IGSF10: variants seen among roughly 807,000 people sequenced by gnomAD.
IGSF10 encodes immunoglobulin superfamily member 10.
IGSF10 carries 126 observed loss-of-function variants against 128.2 expected under a neutral mutation model. That is an observed-to-expected ratio of 0.98 (90% CI 0.85 to 1.14). IGSF10 has a LOEUF of 1.14. IGSF10 is among the 50% of genes most tolerant of loss of function. IGSF10 has a pLI of 0.00. For synonymous variants in IGSF10, 1,185 were observed against 1,146.2 expected (o/e 1.03, Z -0.68); for missense variants, 3,295 against 3,149.8 (o/e 1.05, Z -1.10).
chr3:151,481,708 G>A, the IGSF10 span, among the ~76,000 whole-genome samples: 1 of 152,110 alleles, frequency 6.6e-6, no homozygotes, highest in African/African-American at 2.4e-5. Flanking sequence ...GCTACTCCAA[G>A]CACCTATGTC....
intron 1 of IGSF10, 36 bp downstream of exon 1, chr3:151,460,910 A>G: frequency 1.0e-6 from 1 of 984,724 alleles, no homozygotes; most frequent in South Asian, 4.7e-5. Flanking sequence ...GTGGGGTTCC[A>G]GCCCTTTCCG....
the IGSF10 span, among the ~76,000 whole-genome samples, chr3:151,504,478 C>G: frequency 6.6e-6 from 1 of 152,194 alleles, no homozygotes; most frequent in Admixed American, 6.5e-5. Flanking sequence ...TGCTTATGGT[C>G]AATAATCCCA....
At chr3:151,605,658 C>T in the IGSF10 span, among the ~76,000 whole-genome samples, 2 of 152,250 alleles carry the variant, frequency 1.3e-5, no homozygotes, top group South Asian at 4.1e-4. Context: ...AGATGAAAAA[C>T]ACTAAGGGTT....
the IGSF10 span, among the ~76,000 whole-genome samples, chr3:151,604,592 AACACACAC>A: frequency 6.8e-3 from 980 of 144,614 alleles, 5 homozygotes; most frequent in Middle Eastern, 0.043. Context: ...GTACCAATAT[AACACACAC>A]ACACACACAC....
chr3:151,502,435 G>A, the IGSF10 span, among the ~76,000 whole-genome samples: 2 of 151,934 alleles, frequency 1.3e-5, no homozygotes, highest in African/African-American at 4.8e-5. Flanking sequence ...TTTTGGCCTA[G>A]TATTTTGGCA....
intron 4 of IGSF10, 118 bp downstream of exon 4, chr3:151,456,908 G>T: frequency 1.0e-6 from 1 of 975,314 alleles, no homozygotes; most frequent in Non-Finnish European, 1.6e-6. Context: ...ATTGACGTCT[G>T]CTTCTAATTT....
intron 7 of IGSF10, among the ~76,000 whole-genome samples, chr3:151,439,621 AT>A (rs1577662256): frequency 1.3e-5 from 2 of 152,238 alleles, no homozygotes; most frequent in Non-Finnish European, 2.9e-5. Context: ...TTAGAAAAAA[AT>A]AAATTTTACT....
Position 151,436,447 on chromosome 3 carries a change from A to G in IGSF10, c.*242T>C, listed in dbSNP as rs1040056580. The G allele has an allele frequency of 1.3e-5, 5 of 376,746 alleles. No individual in the cohort carries two copies. Among genetic ancestry groups the G allele is most frequent in the Non-Finnish European group, 2.4e-5 (5 of 210,830 alleles). The allele number at this position is 376,746 out of a possible 1,614,324, so 23.3% of individuals were successfully genotyped here. The stretch of plus-strand genomic sequence containing the variant: ...TAGTGAACCGTTTCAATGTTTGTTT[A>G]TTGTTATTTGTTGGCAAAATAAAAG... On this transcript the variant is annotated 3_prime_UTR_variant, in exon 8 of 8. Coordinates refer to ENST00000282466, the MANE Select transcript of IGSF10 (RefSeq NM_178822.5).
the IGSF10 span, among the ~76,000 whole-genome samples, chr3:151,539,343 CTA>C: frequency 1.3e-5 from 2 of 152,130 alleles, no homozygotes; most frequent in African/African-American, 2.4e-5. Context: ...GAGGAGCTAG[CTA>C]TGACTGCCCT....
At chr3:151,499,073 T>G in the IGSF10 span, among the ~76,000 whole-genome samples, 30 of 152,292 alleles carry the variant, frequency 2.0e-4, no homozygotes, top group Non-Finnish European at 3.2e-4. Flanking sequence ...TTTACTTTTG[T>G]ACATGTTTTC....
rs572924729 is a variant in IGSF10, at chr3:151,452,169, G to T, written c.715+1215C>A. ...TAACACTTGATTATTAAGACTGAAA[G>T]ATGTGAGCCCCTATGGGTTTAATTA... On this transcript the variant is annotated intron_variant, in intron 5 of 7. Transcript: ENST00000282466. Among the ~76,000 whole-genome samples, 8 of 152,340 alleles carry T rather than the reference G, an allele frequency of 5.3e-5. No homozygotes were observed. In the East Asian group the frequency reaches 1.3e-3, roughly 26 times the overall value.
the IGSF10 span, among the ~76,000 whole-genome samples, chr3:151,524,059 A>G: frequency 1.3e-5 from 2 of 152,220 alleles, no homozygotes; most frequent in East Asian, 1.9e-4. Flanking sequence ...AAAGCTCAAC[A>G]TCACTGATTA....
At chr3:151,530,258 C>T in the IGSF10 span, among the ~76,000 whole-genome samples, 3 of 152,026 alleles carry the variant, frequency 2.0e-5, no homozygotes, top group African/African-American at 4.8e-5. Context: ...CTAAAAGAGA[C>T]GGGGAGAGTG....
At chr3:151,432,675 C>T, downstream of IGSF10, 1 of 1,017,514 alleles carries the variant, frequency 9.8e-7, no homozygotes, top group Non-Finnish European at 1.5e-6. Flanking sequence ...GTACTGAGAG[C>T]AGTGACAAGA....
At chr3:151,555,655 T>A in the IGSF10 span, among the ~76,000 whole-genome samples, 1 of 152,122 alleles carries the variant, frequency 6.6e-6, no homozygotes, top group Admixed American at 6.6e-5. Context: ...TTCAAAAGAA[T>A]TATGGGTGTT....
chr3:151,593,219 T>C, the IGSF10 span, among the ~76,000 whole-genome samples: 2 of 151,962 alleles, frequency 1.3e-5, no homozygotes, highest in Non-Finnish European at 2.9e-5. Context: ...CAGCCTTGAT[T>C]CTCCCACCTC....
chr3:151,617,708 T>C, the IGSF10 span, among the ~76,000 whole-genome samples: 2 of 152,194 alleles, frequency 1.3e-5, no homozygotes, highest in South Asian at 2.1e-4. Context: ...CAAAGTGTTA[T>C]AGTGTGAATA....
chr3:151,530,575 A>C, the IGSF10 span, among the ~76,000 whole-genome samples: 1 of 152,198 alleles, frequency 6.6e-6, no homozygotes, highest in African/African-American at 2.4e-5. Context: ...GTTCTTAAAG[A>C]AGAGAATTTC....
chr3:151,512,965 ATAAT>A, the IGSF10 span, among the ~76,000 whole-genome samples: 1 of 152,236 alleles, frequency 6.6e-6, no homozygotes, highest in Non-Finnish European at 1.5e-5. Context: ...AATTGAGGCA[ATAAT>A]TAATAGCTTA....
Sources: allele counts gnomAD v4.1 joint callset (sites outside exome capture counted in the v4.1 genomes callset), GRCh38; gene constraint gnomAD v4.1.1; transcripts MANE v1.5; gene names NCBI Gene and HGNC (gene_info 2026-07-23, HGNC 2026-07-21).